The following JADE3 variants were observed in gnomAD, a reference collection of about 807,000 sequenced individuals.
JADE3 encodes protein Jade-3.
A neutral mutation model predicts 50.1 loss-of-function variants in JADE3; 2 were observed. The observed-to-expected ratio is 0.04, with a 90% confidence interval of 0.02 to 0.13. The LOEUF (loss-of-function observed/expected upper bound fraction) is 0.13. Ranked by LOEUF, JADE3 falls within the 10% of genes least tolerant of loss-of-function variation. The pLI is 1.00. For synonymous variants in JADE3, 218 were observed against 232.9 expected (o/e 0.94, Z 0.58); for missense variants, 475 against 634.4 (o/e 0.75, Z 2.70).
chrX:47,002,626 G>A (rs1928311964), intron 4 of JADE3, among the ~76,000 whole-genome samples: 1 of 105,011 alleles, frequency 9.5e-6, no homozygotes, highest in Admixed American at 1.0e-4. Context: ...TTTGTGTGTT[G>A]ATGTTGTGTT....
intron 4 of JADE3, among the ~76,000 whole-genome samples, chrX:47,004,500 G>A (rs781894212): frequency 8.9e-6 from 1 of 111,775 alleles, no homozygotes; most frequent in South Asian, 3.7e-4. Context: ...GCACAATCAC[G>A]GCTCACTGCA....
intron 1 of JADE3, among the ~76,000 whole-genome samples, chrX:46,956,761 CTTTCCT>C (rs1446095366): frequency 8.7e-5 from 9 of 103,287 alleles, no homozygotes; most frequent in Admixed American, 8.5e-4. Flanking sequence ...TCTTTCTTTT[CTTTCCT>C]TTTCCTTTTC....
chrX:47,002,509 A>G lies in JADE3; in HGVS notation c.284+4232A>G, dbSNP rs782414010. On this transcript the variant is annotated intron_variant, in intron 4 of 10. Transcript: ENST00000614628. Reference sequence around the variant, plus strand: ...GTACAAGTCCTGTACACATTTTGCTAAATTTATGCTTAAGTGTTAAAATTT... The same window carrying G: ...GTACAAGTCCTGTACACATTTTGCTGAATTTATGCTTAAGTGTTAAAATTT... Among the ~76,000 whole-genome samples the G allele has an allele frequency of 2.7e-5, 3 of 110,991 alleles. No homozygotes were observed. The East Asian group carries it at 8.4e-4, about 31-fold the overall frequency.
intron 8 of JADE3, among the ~76,000 whole-genome samples, chrX:47,051,368 G>A (rs1461579783): frequency 8.9e-6 from 1 of 111,791 alleles, no homozygotes; most frequent in Non-Finnish European, 1.9e-5. Context: ...CATTCTTTTT[G>A]TCTTTATTCA....
At chrX:46,995,378 G>C (rs1053535575) in intron 3 of JADE3, among the ~76,000 whole-genome samples, 1 of 111,357 alleles carries the variant, frequency 9.0e-6, no homozygotes, top group Admixed American at 9.6e-5. Context: ...ACTTTAAACT[G>C]TAAAACAAAA....
chrX:46,982,641 A>G (rs1366466100), intron 1 of JADE3, among the ~76,000 whole-genome samples: 2 of 110,274 alleles, frequency 1.8e-5, no homozygotes, highest in East Asian at 2.8e-4. Context: ...ATTGAAGTCT[A>G]TTTCCTCAAC....
At chrX:46,925,843 T>G in intron 1 of JADE3, among the ~76,000 whole-genome samples, 2 of 101,980 alleles carry the variant, frequency 2.0e-5, no homozygotes. Context: ...AAAAAAAAGA[T>G]GACCTATTGA....
intron 1 of JADE3, among the ~76,000 whole-genome samples, chrX:46,967,638 T>G (rs1158925338): frequency 9.0e-6 from 1 of 111,555 alleles, no homozygotes; most frequent in African/African-American, 3.3e-5. Context: ...AGGTACTGTT[T>G]CCAAATCTGG....
At chrX:46,982,889 C>T (rs1927785788) in intron 1 of JADE3, among the ~76,000 whole-genome samples, 2 of 111,026 alleles carry the variant, frequency 1.8e-5, no homozygotes, top group South Asian at 7.8e-4. Flanking sequence ...AGTGCAGTGG[C>T]GCGATCTCAG....
In JADE3 at chrX:46,954,214, A is replaced by G. The variant is rs1219994964; in HGVS notation, c.-11-30670A>G. The stretch of plus-strand genomic sequence containing the variant: ...TCACATGGTATTTCTGGTGGGTAAC[A>G]GAGACCAGGACACATGAAACTCCAG... On this transcript the variant is annotated intron_variant, in intron 1 of 10. Coordinates refer to ENST00000614628, the MANE Select transcript of JADE3 (RefSeq NM_014735.5). 2.7e-5 allele frequency among the ~76,000 whole-genome samples: 3 copies of G among 111,448 alleles called. No homozygotes were observed. The Admixed American group carries it at 2.9e-4, about 11-fold the overall frequency.
At chrX:46,987,812 G>A (rs1264486330) in intron 3 of JADE3, among the ~76,000 whole-genome samples, 6 of 112,067 alleles carry the variant, frequency 5.4e-5, no homozygotes, top group Admixed American at 1.9e-4. Context: ...CCCAGGCAGT[G>A]GTAATAGTAG....
At chrX:46,961,923 C>G (rs1324307641) in intron 1 of JADE3, among the ~76,000 whole-genome samples, 2 of 112,163 alleles carry the variant, frequency 1.8e-5, no homozygotes, top group Non-Finnish European at 1.9e-5. Context: ...ATTCTAAAAC[C>G]GTTAATGCAA....
chrX:46,990,926 A>T (rs1927975794), intron 3 of JADE3, among the ~76,000 whole-genome samples: 1 of 109,995 alleles, frequency 9.1e-6, no homozygotes, highest in South Asian at 4.0e-4. Flanking sequence ...TAGACATTTC[A>T]TATAAATGGA....
At chrX:47,028,777 A>T (rs1395195219) in intron 6 of JADE3, among the ~76,000 whole-genome samples, 3 of 110,895 alleles carry the variant, frequency 2.7e-5, no homozygotes, top group Non-Finnish European at 5.7e-5. Context: ...TTCCCCCACA[A>T]GCACTGTGTT....
At chrX:46,914,271 T>C (rs1261834196) in intron 1 of JADE3, among the ~76,000 whole-genome samples, 4 of 111,598 alleles carry the variant, frequency 3.6e-5, no homozygotes, top group African/African-American at 1.3e-4. Flanking sequence ...GCATTGTGTT[T>C]TTATTTAGTT....
At chrX:46,973,396 G>A (rs554449711) in intron 1 of JADE3, among the ~76,000 whole-genome samples, 1 of 112,378 alleles carries the variant, frequency 8.9e-6, no homozygotes, top group South Asian at 3.7e-4. Context: ...GAAATGCTGA[G>A]ATAAAGTCTT....
At chrX:47,021,528 G>A (rs1556364456) in intron 4 of JADE3, among the ~76,000 whole-genome samples, 5 of 111,312 alleles carry the variant, frequency 4.5e-5, no homozygotes, top group South Asian at 3.7e-4. Context: ...TGCCAAAGTG[G>A]TTGTTCAAAT....
At chrX:46,973,415 A>G (rs782153326) in intron 1 of JADE3, among the ~76,000 whole-genome samples, 1 of 112,542 alleles carries the variant, frequency 8.9e-6, no homozygotes. Context: ...TTCATTTAGA[A>G]AAGTTCATTA....
In JADE3 at chrX:47,042,324, A is replaced by T. The variant is rs376659170; in HGVS notation, c.972+3259A>T. 1.5e-4 allele frequency among the ~76,000 whole-genome samples: 17 copies of T among 111,619 alleles called. No homozygotes were observed. In the East Asian group the frequency reaches 3.7e-3, roughly 24 times the overall value. ...CCCTGATGTACCACATTCTGCCACT[A>T]TTATGGTTATTTATCTATGAGTTTT... On this transcript the variant is annotated intron_variant, in intron 8 of 10. Transcript: ENST00000614628.
Sources: gnomAD v4.1 joint callset for allele counts (sites outside exome capture counted in the v4.1 genomes callset) on GRCh38, gnomAD v4.1.1 for gene constraint, MANE v1.5 for transcripts, NCBI Gene and HGNC (gene_info 2026-07-23, HGNC 2026-07-21) for gene names.